Variants in VPS54 observed in about 807,000 individuals in gnomAD.
The protein encoded by VPS54 is VPS54 subunit of GARP complex, also known as vacuolar protein sorting-associated protein 54.
Under a neutral mutation model 121.5 loss-of-function variants are expected in VPS54, and 45 were observed. The ratio of observed to expected loss-of-function variants is 0.37; its 90% CI spans 0.29 to 0.47. VPS54 has a LOEUF of 0.47. VPS54 is among the 20% of genes least tolerant of loss of function. The pLI is 0.99. For synonymous variants in VPS54, 371 were observed against 385.8 expected, an observed-to-expected ratio of 0.96 and a Z score of 0.45; for missense variants, 1,090 against 1,131.4, an observed-to-expected ratio of 0.96 and a Z score of 0.52.
chr2:63,958,489 T>C (rs1232267180), intron 7 of VPS54, among the ~76,000 whole-genome samples: 1 of 152,124 alleles, frequency 6.6e-6, no homozygotes, highest in African/African-American at 2.4e-5. Context: ...AATTGTGGTA[T>C]GAAAGTTCCC....
At chr2:63,967,359 C>A (rs1348901447) in intron 5 of VPS54, among the ~76,000 whole-genome samples, 1 of 151,916 alleles carries the variant, frequency 6.6e-6, no homozygotes, top group South Asian at 2.1e-4. Flanking sequence ...GAGGGAGAAA[C>A]AAAGATAATT....
intron 1 of VPS54, among the ~76,000 whole-genome samples, chr2:64,008,531 T>TTTG (rs1247143963): frequency 1.3e-5 from 2 of 151,860 alleles, no homozygotes; most frequent in African/African-American, 4.8e-5. Context: ...AAAGAAAGAA[T>TTTG]ATCAAGCCCA....
intron 5 of VPS54, among the ~76,000 whole-genome samples, chr2:63,966,252 T>C (rs577727566): frequency 6.6e-6 from 1 of 152,332 alleles, no homozygotes; most frequent in Non-Finnish European, 1.5e-5. Flanking sequence ...GTCCTACAGG[T>C]ACATACCAGA....
chr2:63,915,369 C>G (rs193050135), intron 16 of VPS54, among the ~76,000 whole-genome samples: 5 of 152,136 alleles, frequency 3.3e-5, no homozygotes, highest in Admixed American at 3.3e-4. Context: ...TGAAAGATAT[C>G]AGGAACTAAT....
At chr2:63,973,523 T>C (rs1454802285) in intron 3 of VPS54, among the ~76,000 whole-genome samples, 4 of 152,204 alleles carry the variant, frequency 2.6e-5, no homozygotes, top group African/African-American at 7.2e-5. Context: ...TTTGTTGTTG[T>C]TGAGTTTTAA....
intron 20 of VPS54, among the ~76,000 whole-genome samples, chr2:63,907,697 C>T (rs899168501): frequency 3.7e-4 from 57 of 152,074 alleles, no homozygotes; most frequent in African/African-American, 1.3e-3. Flanking sequence ...CATACTGATA[C>T]AGAATTTGTA....
Position 63,981,729 on chromosome 2 carries a change from C to T in VPS54, c.295G>A (p.Val99Met). The T allele has an allele frequency of 6.2e-7, 1 of 1,613,686 alleles. No homozygotes were observed. The highest frequency in any genetic ancestry group is 1.1e-5 in the South Asian group (1 of 91,056). The stretch of plus-strand genomic sequence containing the variant: ...AATGAAGGTATGACTTCAGTGTCCA[C>T]AAAGTCCAATCCCCATGTTTTTGTG... ...FFTKTWGLDFVDTEVIPSFYL... is the reference protein window; with the variant it reads ...FFTKTWGLDFMDTEVIPSFYL... Residue 99 changes from valine (V) to methionine (M), a missense_variant, in exon 3 of 23, where the codon GTG becomes ATG. By Grantham distance (21) the Val-to-Met change is conservative. This residue lies in a region of VPS54 where 801 missense variants were observed against 757.0 expected (regional missense o/e 1.06). Coordinates refer to ENST00000272322, the MANE Select transcript of VPS54 (RefSeq NM_016516.3).
chr2:63,967,735 A>AAAAAAAAAAAAAAAAAAAAAAC (rs1676072902), intron 5 of VPS54, among the ~76,000 whole-genome samples: 4 of 149,368 alleles, frequency 2.7e-5, no homozygotes, highest in Non-Finnish European at 4.5e-5. Flanking sequence ...AAAAAAAAAA[A>AAAAAAAAAAAAAAAAAAAAAAC]TCTTATAAGG....
chr2:63,948,380 G>A lies in VPS54; in HGVS notation c.1137+657C>T, dbSNP rs62136405. Among the ~76,000 whole-genome samples, 1,350 of 150,848 alleles carry A rather than the reference G, an allele frequency of 8.9e-3. 13 individuals carry two copies. Among genetic ancestry groups the A allele is most frequent in the South Asian group, 0.028 (134 of 4,768 alleles). ...TAGGTACTCAGTAAATTTGAATGAC[G>A]GGTAATTACCATATGATAATGATCA... is the stretch of plus-strand genomic sequence containing the variant. On this transcript the variant is annotated intron_variant, in intron 8 of 22. Coordinates refer to ENST00000272322, the MANE Select transcript of VPS54 (RefSeq NM_016516.3).
At chr2:63,917,153 T>A (rs545884768) in intron 15 of VPS54, among the ~76,000 whole-genome samples, 190 bp from the exon 16 acceptor site, 2 of 152,172 alleles carry the variant, frequency 1.3e-5, no homozygotes, top group South Asian at 4.1e-4. Flanking sequence ...TGGATTTGAG[T>A]ACCAGTACTA....
At chr2:64,014,367 G>C (rs1488064874) in intron 1 of VPS54, among the ~76,000 whole-genome samples, 1 of 152,050 alleles carries the variant, frequency 6.6e-6, no homozygotes. Flanking sequence ...ATATTTTCAA[G>C]TCTTCTCAAA....
At chr2:63,901,265 A>G (rs1414238792) in intron 20 of VPS54, among the ~76,000 whole-genome samples, 1 of 152,238 alleles carries the variant, frequency 6.6e-6, no homozygotes. Context: ...AACTAATTCC[A>G]AAGACTGAAA....
At chr2:63,903,181 A>G (rs951208875) in intron 20 of VPS54, among the ~76,000 whole-genome samples, 14 of 152,240 alleles carry the variant, frequency 9.2e-5, no homozygotes, top group African/African-American at 3.1e-4. Flanking sequence ...TCATAGTGAA[A>G]CTGCTGAAAA....
At chr2:63,931,571 A>G (rs1674204661) in intron 12 of VPS54, among the ~76,000 whole-genome samples, 1 of 152,226 alleles carries the variant, frequency 6.6e-6, no homozygotes, top group African/African-American at 2.4e-5. Flanking sequence ...AACCTGGGCA[A>G]TACCATTCAG....
intron 3 of VPS54, chr2:63,975,113 T>C (rs568042568): frequency 9.4e-5 from 127 of 1,349,464 alleles, no homozygotes; most frequent in Middle Eastern, 7.6e-4. Flanking sequence ...TGGCGTGATC[T>C]TGGTTCACTG....
chr2:63,981,823 A>G lies in VPS54; in HGVS notation c.201T>C (p.Tyr67=), dbSNP rs545821244. Residue 67 remains tyrosine (Y), a synonymous_variant, in exon 3 of 23, where the codon TAT becomes TAC. Transcript: ENST00000272322. The part of the protein sequence containing the change: ...LVTDQHRWTV[Y]HSKVNLPAAL... ...CTGCTGGGAGATTTACTTTGGAATG[A>G]TATACAGTCCATCTATGTTGATCTG... The G allele has an allele frequency of 6.2e-7, 1 of 1,613,720 alleles. No homozygotes were observed. Among genetic ancestry groups the G allele is most frequent in the South Asian group, 1.1e-5 (1 of 91,062 alleles).
At chr2:63,929,600 A>G (rs1417630833) in intron 12 of VPS54, among the ~76,000 whole-genome samples, 2 of 152,286 alleles carry the variant, frequency 1.3e-5, no homozygotes, top group South Asian at 2.1e-4. Context: ...ATCACAATTA[A>G]AAGAACTAGA....
At chr2:64,003,942 G>C (rs1331873323) in intron 1 of VPS54, among the ~76,000 whole-genome samples, 1 of 152,112 alleles carries the variant, frequency 6.6e-6, no homozygotes, top group Non-Finnish European at 1.5e-5. Context: ...AGGACTCTTT[G>C]AAAGAATATG....
At position 64,005,489 on chromosome 2, in the gene VPS54, G is replaced by C. The variant is rs79608390; in HGVS notation, c.-21+13449C>G. Among the ~76,000 whole-genome samples, 377 of 152,308 alleles carry C rather than the reference G, an allele frequency of 2.5e-3. 3 individuals carry two copies. The highest frequency in any genetic ancestry group is 8.5e-3 in the African/African-American group (352 of 41,562). On this transcript the variant is annotated intron_variant, in intron 1 of 22. Transcript: ENST00000272322. Reference sequence around the variant, plus strand: ...AAATCTTAAGATATCTGTAGCAATTGAATGTGATATGAGAATACCTGAGAT... The same window carrying C: ...AAATCTTAAGATATCTGTAGCAATTCAATGTGATATGAGAATACCTGAGAT...
Sources: allele counts gnomAD v4.1 joint callset (sites outside exome capture counted in the v4.1 genomes callset), GRCh38; gene constraint gnomAD v4.1.1; regional missense constraint gnomAD v4.1.1; transcripts MANE v1.5; gene names NCBI Gene and HGNC (gene_info 2026-07-23, HGNC 2026-07-21).